The following SYBU variants were observed in gnomAD, a reference collection of about 807,000 sequenced individuals.
The protein encoded by SYBU is syntabulin.
In SYBU, 21 loss-of-function variants were observed where a neutral mutation model predicts 35.9. The ratio of observed to expected loss-of-function variants is 0.58; its 90% CI spans 0.41 to 0.84. The LOEUF is 0.84. Among genes scored for constraint, SYBU ranks in the 40% least tolerant of loss-of-function variants. The pLI is 0.00. For missense variants in SYBU, 768 were observed against 848.2 expected, an observed-to-expected ratio of 0.91 and a Z score of 1.17; for synonymous variants, 319 against 324.3, an observed-to-expected ratio of 0.98 and a Z score of 0.18.
At chr8:109,626,513 T>G (rs1002655697) in intron 2 of SYBU, among the ~76,000 whole-genome samples, 1 of 152,200 alleles carries the variant, frequency 6.6e-6, no homozygotes, top group African/African-American at 2.4e-5. Flanking sequence ...AAATACTTTT[T>G]GCATAATTCA....
chr8:109,605,000 C>T (rs564196506), intron 3 of SYBU, among the ~76,000 whole-genome samples: 1 of 152,256 alleles, frequency 6.6e-6, no homozygotes, highest in East Asian at 1.9e-4. Flanking sequence ...AATGTTGCTG[C>T]CATGTAAGAC....
rs2131163295 is a variant in SYBU, at chr8:109,575,267, G to C, written c.1631C>G (p.Thr544Ser). The part of the protein sequence containing the change: ...ESLSALVVDL[T>S]PRNPNSAILL... The stretch of plus-strand genomic sequence containing the variant: ...GATGGCTGAGTTTGGATTTCTTGGA[G>C]TTAAATCAACCACTAAGGCAGAGAG... Residue 544 changes from threonine to serine, a missense_variant, in exon 7 of 7, where the codon ACT becomes AGT. Transcript: ENST00000276646. 2 of 1,614,224 alleles carry C rather than the reference G, an allele frequency of 1.2e-6. No individual in the cohort carries two copies. The highest frequency in any genetic ancestry group is 1.7e-5 in the Admixed American group (1 of 60,030).
chr8:109,679,545 C>T (rs974563957), intron 1 of SYBU, among the ~76,000 whole-genome samples: 4 of 152,202 alleles, frequency 2.6e-5, no homozygotes, highest in Admixed American at 1.3e-4. Context: ...AGTTTGTCCG[C>T]ACAATAATGG....
chr8:109,587,458 T>C (rs1287876152), intron 3 of SYBU, among the ~76,000 whole-genome samples: 3 of 152,214 alleles, frequency 2.0e-5, no homozygotes, highest in African/African-American at 7.2e-5. Context: ...TTCATGCTAC[T>C]TCTCCCATAC....
intron 3 of SYBU, among the ~76,000 whole-genome samples, chr8:109,590,767 G>GGA (rs1224594976): frequency 1.6e-5 from 2 of 122,018 alleles, no homozygotes; most frequent in African/African-American, 5.4e-5. Flanking sequence ...CATAAAATTA[G>GGA]AAAAAAAAAA....
At chr8:109,588,877 C>T (rs1002742389) in intron 3 of SYBU, among the ~76,000 whole-genome samples, 1 of 152,036 alleles carries the variant, frequency 6.6e-6, no homozygotes, top group South Asian at 2.1e-4. Context: ...CATAGAAACT[C>T]GGCTGGGCAT....
intron 3 of SYBU, among the ~76,000 whole-genome samples, chr8:109,593,294 TGAGCA>T (rs1824496763): frequency 1.3e-5 from 2 of 152,074 alleles, no homozygotes; most frequent in African/African-American, 4.8e-5. Flanking sequence ...GAACAATGAG[TGAGCA>T]GAAATGAAGA....
intron 1 of SYBU, 49 bp from the exon 2 acceptor site, chr8:109,642,981 C>G: frequency 1.1e-5 from 16 of 1,452,848 alleles, no homozygotes; most frequent in Non-Finnish European, 1.4e-5. Flanking sequence ...GCGTTTCCCT[C>G]TCTTAACTCC....
At chr8:109,587,995 T>C (rs1823822046) in intron 3 of SYBU, among the ~76,000 whole-genome samples, 1 of 152,226 alleles carries the variant, frequency 6.6e-6, no homozygotes, top group Non-Finnish European at 1.5e-5. Context: ...TGATTGGTAA[T>C]GCAGTCCAGC....
intron 1 of SYBU, among the ~76,000 whole-genome samples, chr8:109,658,413 A>T (rs13269409): frequency 0.078 from 11,873 of 152,260 alleles, 593 homozygotes; most frequent in East Asian, 0.12. Flanking sequence ...CAAACTGGGG[A>T]TGTTCAATAT....
At chr8:109,643,561 C>T (rs1451352424) in intron 1 of SYBU, 1 of 153,492 alleles carries the variant, frequency 6.5e-6, no homozygotes, top group Non-Finnish European at 1.5e-5. Context: ...GATGGCTCCA[C>T]CTTTTACATC....
chr8:109,689,546 G>A (rs571640316), intron 1 of SYBU, among the ~76,000 whole-genome samples: 21 of 152,126 alleles, frequency 1.4e-4, no homozygotes, highest in African/African-American at 5.1e-4. Flanking sequence ...TGTCCAGGCT[G>A]GTCTCAAACT....
At chr8:109,627,077 T>C (rs557886342) in intron 2 of SYBU, among the ~76,000 whole-genome samples, 127 of 152,254 alleles carry the variant, frequency 8.3e-4, no homozygotes, top group African/African-American at 2.8e-3. Flanking sequence ...GAGGAAAATA[T>C]GATTTTGTGC....
intron 1 of SYBU, among the ~76,000 whole-genome samples, chr8:109,673,674 G>A (rs1483971313): frequency 6.6e-6 from 1 of 152,078 alleles, no homozygotes; most frequent in Admixed American, 6.6e-5. Flanking sequence ...AACCGAACAG[G>A]GAATATATTT....
intron 2 of SYBU, among the ~76,000 whole-genome samples, chr8:109,627,264 C>A (rs1396595528): frequency 6.6e-6 from 1 of 152,088 alleles, no homozygotes; most frequent in Admixed American, 6.6e-5. Flanking sequence ...ATCTGTTCAA[C>A]AAATATTTAT....
Position 109,656,820 on chromosome 8 carries a change from A to G in SYBU, c.-129+23891T>C, listed in dbSNP as rs1158807433. 2.0e-5 allele frequency among the ~76,000 whole-genome samples: 3 copies of G among 152,212 alleles called. No homozygotes were observed. The East Asian group carries it at 5.8e-4, about 29-fold the overall frequency. ...GCAATGTTTGAACTGCTATATGGCCATGGAGAATAAAGGTAGAATAATGAG... is the reference window on the plus strand; with the variant it reads ...GCAATGTTTGAACTGCTATATGGCCGTGGAGAATAAAGGTAGAATAATGAG... On this transcript the variant is annotated intron_variant, in intron 1 of 5. Coordinates refer to the SYBU transcript ENST00000408889.
intron 2 of SYBU, among the ~76,000 whole-genome samples, chr8:109,626,798 G>A (rs949243740): frequency 2.6e-5 from 4 of 152,088 alleles, no homozygotes; most frequent in Admixed American, 1.3e-4. Context: ...TAGTCCCAGC[G>A]GAGGTTGCAG....
chr8:109,585,884 G>T, intron 4 of SYBU, 176 bp downstream of exon 4: 1 of 590,236 alleles, frequency 1.7e-6, no homozygotes, highest in Non-Finnish European at 3.0e-6. Context: ...TGTGACCACA[G>T]TTGGCAAGAC....
intron 2 of SYBU, among the ~76,000 whole-genome samples, chr8:109,626,568 G>A (rs772645149): frequency 5.5e-4 from 83 of 152,186 alleles, no homozygotes; most frequent in Non-Finnish European, 9.3e-4. Flanking sequence ...GTGCATGTGC[G>A]TATCATAAAC....
Sources: gnomAD v4.1 joint callset for allele counts (sites outside exome capture counted in the v4.1 genomes callset) on GRCh38, gnomAD v4.1.1 for gene constraint, MANE v1.5 for transcripts, NCBI Gene and HGNC (gene_info 2026-07-23, HGNC 2026-07-21) for gene names.